Variants in SLC44A1 observed in about 807,000 individuals in gnomAD.
The protein encoded by SLC44A1 is solute carrier family 44 member 1.
A neutral mutation model predicts 79.3 loss-of-function variants in SLC44A1; 26 were observed. The ratio of observed to expected loss-of-function variants is 0.33; its 90% confidence interval spans 0.24 to 0.46. SLC44A1 has a LOEUF of 0.46. Among genes scored for constraint, SLC44A1 ranks in the 20% least tolerant of loss-of-function variants. SLC44A1 has a pLI of 1.00. For missense variants in SLC44A1, 688 were observed against 798.1 expected, an observed-to-expected ratio of 0.86 and a Z score of 1.66; for synonymous variants, 263 against 286.2, an observed-to-expected ratio of 0.92 and a Z score of 0.82.
intron 1 of SLC44A1, among the ~76,000 whole-genome samples, chr9:105,256,741 TTTTTATTTTATTTTATTTTATTTTA>T (rs59529626): frequency 6.6e-4 from 86 of 130,912 alleles, no homozygotes; most frequent in Non-Finnish European, 1.1e-3. Context: ...TTTTGTATTA[TTTTTATTTTATTTTATTTTATTTTA>T]TTTTATTTTA....
chr9:105,293,636 A>G (rs776094921), intron 1 of SLC44A1, among the ~76,000 whole-genome samples: 2 of 152,216 alleles, frequency 1.3e-5, no homozygotes, highest in Non-Finnish European at 1.5e-5. Context: ...CCTGCCTGCC[A>G]TATCACTGTT....
intron 15 of SLC44A1, among the ~76,000 whole-genome samples, chr9:105,404,900 G>T (rs1274623334): frequency 6.6e-6 from 1 of 152,162 alleles, no homozygotes; most frequent in Non-Finnish European, 1.5e-5. Flanking sequence ...GTAAGACAAT[G>T]ATAATTTTTT....
At chr9:105,342,823 A>G (rs1336420864) in intron 4 of SLC44A1, among the ~76,000 whole-genome samples, 1 of 152,106 alleles carries the variant, frequency 6.6e-6, no homozygotes, top group South Asian at 2.1e-4. Context: ...CTTGCTATCT[A>G]AGTTCTAAAT....
At chr9:105,268,510 C>CT (rs1009058104) in intron 1 of SLC44A1, among the ~76,000 whole-genome samples, 57 of 149,204 alleles carry the variant, frequency 3.8e-4, no homozygotes, top group Admixed American at 2.1e-3. Flanking sequence ...TAACGATCTT[C>CT]TTTTTTTTTT....
At chr9:105,413,508 C>T (rs1217434288) in intron 15 of SLC44A1, among the ~76,000 whole-genome samples, 1 of 152,218 alleles carries the variant, frequency 6.6e-6, no homozygotes, top group African/African-American at 2.4e-5. Flanking sequence ...CCAACAGAAC[C>T]ACAGACCAAA....
intron 4 of SLC44A1, among the ~76,000 whole-genome samples, chr9:105,346,121 G>C (rs770819080): frequency 1.3e-5 from 2 of 152,052 alleles, no homozygotes; most frequent in African/African-American, 2.4e-5. Context: ...CTTCATTGAG[G>C]CTTCTCTGTT....
intron 5 of SLC44A1, among the ~76,000 whole-genome samples, chr9:105,351,082 A>T (rs1173233121): frequency 2.0e-5 from 3 of 152,242 alleles, no homozygotes; most frequent in Non-Finnish European, 4.4e-5. Flanking sequence ...GCTAGCCAGT[A>T]TGCTTACAGT....
intron 5 of SLC44A1, among the ~76,000 whole-genome samples, chr9:105,355,753 G>A (rs1288603758): frequency 1.3e-5 from 2 of 152,132 alleles, no homozygotes; most frequent in Admixed American, 6.6e-5. Context: ...TCTATTAATG[G>A]TGGCATATTT....
chr9:105,349,894 C>T (rs1484036902), intron 5 of SLC44A1, among the ~76,000 whole-genome samples: 2 of 152,112 alleles, frequency 1.3e-5, no homozygotes, highest in Admixed American at 6.6e-5. Flanking sequence ...CCTGCACATC[C>T]TTCCCCGCCT....
At chr9:105,323,991 G>A (rs1826484003) in intron 3 of SLC44A1, among the ~76,000 whole-genome samples, 1 of 151,836 alleles carries the variant, frequency 6.6e-6, no homozygotes, top group Non-Finnish European at 1.5e-5. Flanking sequence ...TCTCCCAAGT[G>A]CTTTTTGTTT....
At chr9:105,370,639 C>CA (rs1828067779) in intron 12 of SLC44A1, among the ~76,000 whole-genome samples, 1 of 151,990 alleles carries the variant, frequency 6.6e-6, no homozygotes, top group Admixed American at 6.5e-5. Context: ...ATGAGGGAAA[C>CA]AAAAAAAGCT....
rs965071227 is a variant in SLC44A1, at chr9:105,390,650, AT to A, written c.*1603del. ...TAAATTGCTGCAAAAGGTAAATTGTATTTTTTTTTAAGTATTGGTGTTCTTT... is the reference window on the plus strand; with the variant it reads ...TAAATTGCTGCAAAAGGTAAATTGTATTTTTTTTAAGTATTGGTGTTCTTT... On this transcript the variant is annotated 3_prime_UTR_variant, in exon 16 of 16. Transcript: ENST00000374720. The A allele has an allele frequency of 2.3e-5, 23 of 980,338 alleles. No homozygotes were observed. Among genetic ancestry groups the A allele is most frequent in the African/African-American group, 5.3e-5 (3 of 56,868 alleles). The allele number at this position is 980,338 out of a possible 1,614,324, so 60.7% of individuals were successfully genotyped here.
chr9:105,430,255 T>C, intron 15 of SLC44A1, among the ~76,000 whole-genome samples: 1 of 152,358 alleles, frequency 6.6e-6, no homozygotes, highest in Non-Finnish European at 1.5e-5. Flanking sequence ...ATAGTTATTT[T>C]CTTTCTCTTT....
chr9:105,418,394 G>A (rs1222926286), intron 15 of SLC44A1, among the ~76,000 whole-genome samples: 1 of 151,668 alleles, frequency 6.6e-6, no homozygotes, highest in Non-Finnish European at 1.5e-5. Flanking sequence ...GAAGCTCACA[G>A]CCTTCAGTTC....
chr9:105,310,529 A>T (rs12376222), intron 3 of SLC44A1, among the ~76,000 whole-genome samples: 1 of 152,204 alleles, frequency 6.6e-6, no homozygotes, highest in African/African-American at 2.4e-5. Flanking sequence ...TTTATGCCCC[A>T]TGAAACCTTA....
Position 105,391,874 on chromosome 9 carries a change from C to A in SLC44A1, c.*2818C>A. 1.0e-6 allele frequency: 1 copy of A among 985,262 alleles called. No homozygotes were observed. The highest frequency in any genetic ancestry group is 1.2e-6 in the Non-Finnish European group (1 of 829,874). The allele number at this position is 985,262 out of a possible 1,614,324, so 61.0% of individuals were successfully genotyped here. A position where few individuals can be genotyped will look rare whatever the true frequency, so the allele number is the denominator to read the frequency against. On this transcript the variant is annotated 3_prime_UTR_variant, in exon 16 of 16. Coordinates refer to ENST00000374720, the MANE Select transcript of SLC44A1 (RefSeq NM_080546.5). ...TGTGGTGAATCTTCAAAACTGTATTCAGGACTCATATTTCTAGAGTTTTAA... is the reference window on the plus strand; with the variant it reads ...TGTGGTGAATCTTCAAAACTGTATTAAGGACTCATATTTCTAGAGTTTTAA...
intron 1 of SLC44A1, among the ~76,000 whole-genome samples, chr9:105,268,608 A>G (rs564551620): frequency 2.0e-5 from 3 of 152,076 alleles, no homozygotes; most frequent in East Asian, 3.9e-4. Context: ...GGTTCAAGCA[A>G]TTCTGCCTCA....
Position 105,390,792 on chromosome 9 carries a change from T to C in SLC44A1, c.*1736T>C, listed in dbSNP as rs1828746671. 1.0e-6 allele frequency: 1 copy of C among 985,490 alleles called. No homozygotes were observed. The highest frequency in any genetic ancestry group is 1.2e-6 in the Non-Finnish European group (1 of 829,668). The allele number at this position is 985,490 out of a possible 1,614,324, so 61.0% of individuals were successfully genotyped here. Reference sequence around the variant, plus strand: ...GTCTGGATTTTAAAAAACACATGCATACACACAATTAAGAGCTCATGTCTT... The same window carrying C: ...GTCTGGATTTTAAAAAACACATGCACACACACAATTAAGAGCTCATGTCTT... On this transcript the variant is annotated 3_prime_UTR_variant, in exon 16 of 16. Transcript: ENST00000374720.
rs10589897 is a variant in SLC44A1 at position 105,304,944 on chromosome 9, GTTTTTTTTTTTTTTTT to G, written c.127-4753_127-4738del. ...GTAGTTATTCCCTAGACTTTCTATC[GTTTTTTTTTTTTTTTT>G]TTTTTTTTTTTTTTTTTTTTTTTTT... On this transcript the variant is annotated intron_variant, in intron 2 of 15. Coordinates refer to ENST00000374720, the MANE Select transcript of SLC44A1 (RefSeq NM_080546.5). 1.8e-3 allele frequency among the ~76,000 whole-genome samples: 37 copies of G among 20,070 alleles called. 1 individual carries two copies. Among genetic ancestry groups the G allele is most frequent in the South Asian group, 9.7e-3 (4 of 414 alleles). The allele number at this position is 20,070 out of a possible 152,430, so 13.2% of individuals were successfully genotyped here.
Sources: allele counts gnomAD v4.1 joint callset (sites outside exome capture counted in the v4.1 genomes callset), GRCh38; gene constraint gnomAD v4.1.1; transcripts MANE v1.5; gene names NCBI Gene and HGNC (gene_info 2026-07-23, HGNC 2026-07-21).